The following CHERP variants were observed in gnomAD, a reference collection of about 807,000 sequenced individuals.
CHERP encodes the protein calcium homeostasis endoplasmic reticulum protein.
A neutral mutation model predicts 113.8 loss-of-function variants in CHERP; 8 were observed. The observed-to-expected ratio is 0.07, with a 90% confidence interval of 0.04 to 0.13. The LOEUF is 0.13. Among genes scored for constraint, CHERP ranks in the 10% least tolerant of loss-of-function variants. The probability of loss-of-function intolerance (pLI) is 1.00; values close to 1 mark genes in which losing one functional copy is unlikely to be tolerated. For synonymous variants in CHERP, 559 were observed against 524.5 expected (o/e 1.07, Z -0.90); for missense variants, 884 against 1,298.2 (o/e 0.68, Z 4.90).
Position 16,519,105 on chromosome 19 carries a change from G to A in CHERP, c.*54C>T, listed in dbSNP as rs2085580322. 6.6e-7 allele frequency: 1 copy of A among 1,507,582 alleles called. No homozygotes were observed. The highest frequency in any genetic ancestry group is 9.1e-7 in the Non-Finnish European group (1 of 1,103,780). The allele number at this position is 1,507,582 out of a possible 1,614,324, so 93.4% of individuals were successfully genotyped here. Reference sequence around the variant, plus strand: ...CAATCTTCCTCTGCCAGTCAGCCAGGAAGGTCCCACAGCCGGCACCGCTGG... The same window carrying A: ...CAATCTTCCTCTGCCAGTCAGCCAGAAAGGTCCCACAGCCGGCACCGCTGG... On this transcript the variant is annotated 3_prime_UTR_variant, in exon 17 of 17. Transcript: ENST00000546361. The surrounding 1 kb of genome is among the most constrained non-coding windows in gnomAD (Gnocchi z 6.0).
In CHERP at chr19:16,520,691, G is replaced by A. The variant is rs2085604884; in HGVS notation, c.2201+135C>T. Reference sequence around the variant, plus strand: ...CGAGCCTGCTGCTGTGTGAATTCAGGCCTTGTGGAAAACACCGCCCCATAG... The same window carrying A: ...CGAGCCTGCTGCTGTGTGAATTCAGACCTTGTGGAAAACACCGCCCCATAG... On this transcript the variant is annotated intron_variant, in intron 13 of 16. Coordinates refer to ENST00000546361, the MANE Select transcript of CHERP (RefSeq NM_006387.6). The surrounding 1 kb of genome is among the most constrained non-coding windows in gnomAD (Gnocchi z 4.0). 2.6e-6 allele frequency: 3 copies of A among 1,152,800 alleles called. No homozygotes were observed. The highest frequency in any genetic ancestry group is 1.3e-5 in the South Asian group (1 of 77,506). 71.4% of individuals were successfully genotyped at this position (1,152,800 alleles called of 1,614,324 possible). A position where few individuals can be genotyped will look rare whatever the true frequency, so the allele number is the denominator to read the frequency against.
Position 16,529,821 on chromosome 19 carries a change from G to A in CHERP, c.956C>T (p.Thr319Met), listed in dbSNP as rs777964982. The part of the protein sequence containing the change: ...AFQQQIQTLK[T>M]QHEEFVTSLA... ...GCTGGTGACAAACTCCTCGTGCTGCGTCTTGAGGGTCTGGATCTGCTGCTG... is the reference window on the plus strand; with the variant it reads ...GCTGGTGACAAACTCCTCGTGCTGCATCTTGAGGGTCTGGATCTGCTGCTG... Residue 319 changes from threonine to methionine, a missense_variant, in exon 8 of 17, where the codon ACG becomes ATG. Physicochemically the swap from Thr to Met is moderately conservative, Grantham distance 81. Around this residue, in one of 8 missense-constraint regions of CHERP, gnomAD observed 464 missense variants for 590.1 expected, o/e 0.79. Transcript: ENST00000546361. 2.4e-5 allele frequency: 38 copies of A among 1,613,628 alleles called. No individual in the cohort carries two copies. The highest frequency in any genetic ancestry group is 1.1e-4 in the East Asian group (5 of 44,902).
chr19:16,539,992 A>T (rs1405722364), intron 2 of CHERP: 1 of 152,090 alleles, frequency 6.6e-6, no homozygotes, highest in African/African-American at 2.4e-5. Flanking sequence ...GGCAATACAC[A>T]CATAAACTCT....
intron 3 of CHERP, among the ~76,000 whole-genome samples, chr19:16,534,891 C>T (rs962316134): frequency 6.6e-6 from 1 of 152,086 alleles, no homozygotes; most frequent in Non-Finnish European, 1.5e-5. Context: ...GCCTGGCCAA[C>T]CTGGTGAAAC....
In CHERP at chr19:16,541,901, G is replaced by A. The variant is rs2122296419; in HGVS notation, c.168C>T (p.Tyr56=). The change falls in exon 2 of 17, where the codon TAC becomes TAT. Residue 56 remains tyrosine, a synonymous_variant. Coordinates refer to ENST00000546361, the MANE Select transcript of CHERP (RefSeq NM_006387.6). ...FLFGGEFYSY[Y]KCKLALEQQQ... is the part of the protein sequence containing the mutation. ...GCTGCTCCAGCGCCAGCTTGCACTT[G>A]TAGTAACTGTAGAATTCGCCTCCGA... 6.2e-7 allele frequency: 1 copy of A among 1,613,690 alleles called. No homozygotes were observed. The highest frequency in any genetic ancestry group is 8.5e-7 in the Non-Finnish European group (1 of 1,179,962).
Position 16,519,292 on chromosome 19 carries a change from C to T in CHERP, c.2618G>A (p.Gly873Asp). ...GTCCCACTTATCCCGGACGTCCCCG[C>T]CCTTGATGGGGTCCTGGATCCCTTG... The part of the protein sequence containing the change: ...KEQGIQDPIK[G>D]GDVRDKWDQY... The change falls in exon 17 of 17, where the codon GGC (glycine) becomes GAC (aspartate). Residue 873 changes from glycine (G) to aspartate (D), a missense_variant. This residue lies in a region of CHERP where 42 missense variants were observed against 105.1 expected (regional missense o/e 0.40). Coordinates refer to ENST00000546361, the MANE Select transcript of CHERP (RefSeq NM_006387.6). This position sits in a 1 kb window ranked among gnomAD's most constrained non-coding sequence, Gnocchi z 6.0. 1 of 1,613,992 alleles carries T rather than the reference C, an allele frequency of 6.2e-7. No individual in the cohort carries two copies. Among genetic ancestry groups the T allele is most frequent in the Non-Finnish European group, 8.5e-7 (1 of 1,180,020 alleles).
At position 16,532,529 on chromosome 19, in the gene CHERP, C is replaced by T. The variant is rs1373209541; in HGVS notation, c.674+69G>A. On this transcript the variant is annotated intron_variant, in intron 5 of 16. Coordinates refer to ENST00000546361, the MANE Select transcript of CHERP (RefSeq NM_006387.6). This position sits in a 1 kb window ranked among gnomAD's most constrained non-coding sequence, Gnocchi z 4.4. ...AAGCCAAGCTACCGACCGGAGCAAG[C>T]GGCCACCCAGGAGGGTTGAGGAGGA... 36 of 1,473,498 alleles carry T rather than the reference C, an allele frequency of 2.4e-5. No homozygotes were observed. Among genetic ancestry groups the T allele is most frequent in the Middle Eastern group, 2.2e-4 (1 of 4,530 alleles). The allele number at this position is 1,473,498 out of a possible 1,614,324, so 91.3% of individuals were successfully genotyped here. A position where few individuals can be genotyped will look rare whatever the true frequency, so the allele number is the denominator to read the frequency against.
rs45624033 is a variant in CHERP at position 16,519,802 on chromosome 19, G to A, written c.2463-87C>T. On this transcript the variant is annotated intron_variant, in intron 15 of 16. Transcript: ENST00000546361. The surrounding 1 kb of genome is among the most constrained non-coding windows in gnomAD (Gnocchi z 6.0). ...GATGAGGACCTCACAGCCGCAGCTT[G>A]CGTGCATGCTCACTGTCACCAGGTG... The A allele has an allele frequency of 0.04, 45,788 of 1,139,914 alleles. 1,068 individuals carry two copies. The highest frequency in any genetic ancestry group is 0.05 in the Non-Finnish European group (37,414 of 749,950). The allele number at this position is 1,139,914 out of a possible 1,614,324, so 70.6% of individuals were successfully genotyped here. A position where few individuals can be genotyped will look rare whatever the true frequency, so the allele number is the denominator to read the frequency against.
rs907799484 is a variant in CHERP, at chr19:16,520,299, C to T, written c.2346-34G>A. On this transcript the variant is annotated intron_variant, in intron 14 of 16. Coordinates refer to ENST00000546361, the MANE Select transcript of CHERP (RefSeq NM_006387.6). This position sits in a 1 kb window ranked among gnomAD's most constrained non-coding sequence, Gnocchi z 4.0. ...AAGGGTGCCCAAGGGTCAGCAGCAG[C>T]CAGGCGTCGTGGGGAGGCCACAGGA... The T allele has an allele frequency of 6.2e-7, 1 of 1,611,124 alleles. No individual in the cohort carries two copies. Among genetic ancestry groups the T allele is most frequent in the Admixed American group, 1.7e-5 (1 of 59,916 alleles).
Position 16,525,096 on chromosome 19 carries a change from GCCGGGCT to G in CHERP, c.1741+139_1741+145del. ...GTGCCCCCACTTCCTGAGAACCCAG[GCCGGGCT>G]CCTCGGACGTCCCATGACCCTGTGT... On this transcript the variant is annotated intron_variant, in intron 10 of 16. Coordinates refer to ENST00000546361, the MANE Select transcript of CHERP (RefSeq NM_006387.6). The surrounding 1 kb of genome is among the most constrained non-coding windows in gnomAD (Gnocchi z 6.5). The G allele has an allele frequency of 1.3e-6, 1 of 756,096 alleles. No homozygotes were observed. Among genetic ancestry groups the G allele is most frequent in the South Asian group, 4.4e-5 (1 of 22,602 alleles). The allele number at this position is 756,096 out of a possible 1,614,324, so 46.8% of individuals were successfully genotyped here. A position where few individuals can be genotyped will look rare whatever the true frequency, so the allele number is the denominator to read the frequency against.
chr19:16,524,569 A>G (rs895812080), intron 10 of CHERP, among the ~76,000 whole-genome samples: 1 of 150,894 alleles, frequency 6.6e-6, no homozygotes, highest in African/African-American at 2.4e-5. Context: ...AAAAAAAAAA[A>G]GTACTAAAAG....
rs748706087 is a variant in CHERP at position 16,532,566 on chromosome 19, TGGCGCTCTGGGCACGGGGTGGC to T, written c.674+10_674+31del. 1.9e-6 allele frequency: 3 copies of T among 1,562,208 alleles called. No individual in the cohort carries two copies. Among genetic ancestry groups the T allele is most frequent in the South Asian group, 2.3e-5 (2 of 86,840 alleles). ...AGGGTTGAGGAGGAGCGCGAGGAAG[TGGCGCTCTGGGCACGGGGTGGC>T]GGCGCTCACCAGTGGTGCAGCACGT... is the stretch of plus-strand genomic sequence containing the variant. On this transcript the variant is annotated intron_variant, in intron 5 of 16. Coordinates refer to ENST00000546361, the MANE Select transcript of CHERP (RefSeq NM_006387.6). This position sits in a 1 kb window ranked among gnomAD's most constrained non-coding sequence, Gnocchi z 4.4.
chr19:16,525,616 T>C lies in CHERP; in HGVS notation c.1367A>G (p.Asn456Ser), dbSNP rs575417431. The C allele has an allele frequency of 5.3e-5, 81 of 1,533,996 alleles. No individual in the cohort carries two copies. The Admixed American group carries it at 7.9e-4, about 15-fold the overall frequency. Residue 456 changes from asparagine (N) to serine (S), a missense_variant, in exon 10 of 17, where the codon AAC (asparagine) becomes AGC (serine). By Grantham distance (46) the Asn-to-Ser change is conservative. This residue lies in a region of CHERP where 464 missense variants were observed against 590.1 expected (regional missense o/e 0.79). Transcript: ENST00000546361. The surrounding 1 kb of genome is among the most constrained non-coding windows in gnomAD (Gnocchi z 6.5). ...QGGPPHCPPW[N>S]NSHEGMWGEQ... ...GCCCCACATGCCCTCATGGCTGTTGTTCCAGGGGGGGCAGTGGGGTGGGCC... is the reference window on the plus strand; with the variant it reads ...GCCCCACATGCCCTCATGGCTGTTGCTCCAGGGGGGGCAGTGGGGTGGGCC...
Position 16,535,737 on chromosome 19 carries a change from A to T in CHERP, c.200-101T>A, listed in dbSNP as rs750188086. The T allele has an allele frequency of 2.6e-6, 3 of 1,165,820 alleles. No individual in the cohort carries two copies. The highest frequency in any genetic ancestry group is 2.3e-6 in the Non-Finnish European group (2 of 854,682). The allele number at this position is 1,165,820 out of a possible 1,614,324, so 72.2% of individuals were successfully genotyped here. ...CACAGGGGCCTCCCCCTCCCCAGGG[A>T]CTCACCATCCACGAGGGCCTGTTCA... On this transcript the variant is annotated intron_variant, in intron 2 of 16. Transcript: ENST00000546361. The surrounding 1 kb of genome is among the most constrained non-coding windows in gnomAD (Gnocchi z 4.3).
At chr19:16,522,147 C>A (rs2085621680) in intron 11 of CHERP, among the ~76,000 whole-genome samples, 1 of 152,158 alleles carries the variant, frequency 6.6e-6, no homozygotes, top group African/African-American at 2.4e-5. Context: ...CTCCCTGCTG[C>A]CCATGGCTCC....
rs2303118 is a variant in CHERP, at chr19:16,520,670, C to A, written c.2201+156G>T. 0.12 allele frequency: 130,903 copies of A among 1,124,210 alleles called. 9,759 individuals carry two copies. Among genetic ancestry groups the A allele is most frequent in the African/African-American group, 0.33 (21,211 of 64,604 alleles). The allele number at this position is 1,124,210 out of a possible 1,614,324, so 69.6% of individuals were successfully genotyped here. A position where few individuals can be genotyped will look rare whatever the true frequency, so the allele number is the denominator to read the frequency against. ...CAAGTTCCTAAATAGTGTGGCCGAG[C>A]CTGCTGCTGTGTGAATTCAGGCCTT... On this transcript the variant is annotated intron_variant, in intron 13 of 16. Transcript: ENST00000546361. The surrounding 1 kb of genome is among the most constrained non-coding windows in gnomAD (Gnocchi z 4.0).
At chr19:16,531,054 G>C (rs1181291721) in intron 5 of CHERP, 174 bp from the exon 6 acceptor site, 4 of 1,126,590 alleles carry the variant, frequency 3.6e-6, no homozygotes, top group Non-Finnish European at 4.9e-6. Flanking sequence ...CTGGGCTCGA[G>C]GAAGGGACAG....
intron 3 of CHERP, 43 bp from the exon 4 acceptor site, chr19:16,533,191 A>AC (rs1431748037): frequency 6.5e-7 from 1 of 1,549,224 alleles, no homozygotes; most frequent in Non-Finnish European, 8.7e-7. Context: ...ATGAGGAGGG[A>AC]CCCGCAGCCT....
In CHERP at chr19:16,525,548, G is replaced by C. The variant is rs2085651859; in HGVS notation, c.1435C>G (p.Pro479Ala). The C allele has an allele frequency of 1.3e-6, 2 of 1,543,304 alleles. No individual in the cohort carries two copies. Among genetic ancestry groups the C allele is most frequent in the Non-Finnish European group, 8.7e-7 (1 of 1,147,180 alleles). ...DPGWNGQRDA[P>A]WNNQPDAAWN... ...GCGGCGTCGGGCTGGTTGTTCCAGG[G>C]CGCGTCGCGCTGGCCGTTCCAGCCG... The change falls in exon 10 of 17, where the codon CCC (proline) becomes GCC (alanine). Residue 479 changes from proline (P) to alanine (A), a missense_variant. By Grantham distance (27) the Pro-to-Ala change is conservative. This residue lies in a region of CHERP where 464 missense variants were observed against 590.1 expected (regional missense o/e 0.79). Coordinates refer to ENST00000546361, the MANE Select transcript of CHERP (RefSeq NM_006387.6). This position sits in a 1 kb window ranked among gnomAD's most constrained non-coding sequence, Gnocchi z 6.5.
Sources: gnomAD v4.1 joint callset for allele counts (sites outside exome capture counted in the v4.1 genomes callset) on GRCh38, gnomAD v4.1.1 for gene constraint, gnomAD v4.1.1 regional missense constraint, Gnocchi (gnomAD v3.1) non-coding constraint, MANE v1.5 for transcripts, NCBI Gene and HGNC (gene_info 2026-07-23, HGNC 2026-07-21) for gene names.